Variants in KLHL1 observed in about 807,000 individuals in gnomAD.
The protein encoded by KLHL1 is kelch like family member 1.
In KLHL1, 47 loss-of-function variants were observed where a neutral mutation model predicts 77.7. The ratio of observed to expected loss-of-function variants is 0.60; its 90% CI spans 0.48 to 0.77. The LOEUF (loss-of-function observed/expected upper bound fraction) is 0.77. Ranked by LOEUF, KLHL1 falls within the 30% of genes least tolerant of loss-of-function variation. The probability of loss-of-function intolerance (pLI) is 0.00; values close to 1 mark genes in which losing one functional copy is unlikely to be tolerated. For synonymous variants in KLHL1, 360 were observed against 325.2 expected (o/e 1.11, Z -1.15); for missense variants, 925 against 910.8 (o/e 1.02, Z -0.20).
intron 7 of KLHL1, 56 bp from the exon 8 acceptor site, chr13:69,740,612 T>A: frequency 7.5e-7 from 1 of 1,335,556 alleles, no homozygotes; most frequent in Non-Finnish European, 1.0e-6. Context: ...ATTGTACATT[T>A]AAAAATCTGT....
intron 3 of KLHL1, among the ~76,000 whole-genome samples, chr13:69,957,250 G>T (rs1474145248): frequency 6.6e-6 from 1 of 151,662 alleles, no homozygotes; most frequent in African/African-American, 2.4e-5. Context: ...CCAACAAGTA[G>T]ATAGTGATAC....
chr13:69,800,501 T>G (rs903474676), intron 6 of KLHL1, among the ~76,000 whole-genome samples: 1 of 152,180 alleles, frequency 6.6e-6, no homozygotes, highest in Non-Finnish European at 1.5e-5. Context: ...TAGAGCTTAC[T>G]CATACTAGCC....
At chr13:69,925,623 T>G (rs1227644049) in intron 4 of KLHL1, among the ~76,000 whole-genome samples, 1 of 152,156 alleles carries the variant, frequency 6.6e-6, no homozygotes, top group East Asian at 1.9e-4. Flanking sequence ...AAATTATATA[T>G]TAATTTGCAG....
chr13:69,888,725 T>C (rs1881311323), intron 4 of KLHL1, among the ~76,000 whole-genome samples: 1 of 152,020 alleles, frequency 6.6e-6, no homozygotes, highest in Admixed American at 6.6e-5. Context: ...AAAAAGTAAA[T>C]GTAATGTCTT....
Position 70,083,405 on chromosome 13 carries a change from AG to A in KLHL1, c.497+23797del, listed in dbSNP as rs766778700. On this transcript the variant is annotated intron_variant, in intron 1 of 10. Coordinates refer to ENST00000377844, the MANE Select transcript of KLHL1 (RefSeq NM_020866.3). ...CAAGATGAACTAACTCCTGGTCTCAAGCAATCCTCCCACCTTAGCTGAATAG... is the reference window on the plus strand; with the variant it reads ...CAAGATGAACTAACTCCTGGTCTCAACAATCCTCCCACCTTAGCTGAATAG... Among the ~76,000 whole-genome samples, 149 of 152,294 alleles carry A rather than the reference AG, an allele frequency of 9.8e-4. 1 individual carries two copies. Among genetic ancestry groups the A allele is most frequent in the African/African-American group, 3.4e-3 (143 of 41,570 alleles).
At chr13:70,021,748 C>T (rs1885803995) in intron 1 of KLHL1, among the ~76,000 whole-genome samples, 1 of 152,030 alleles carries the variant, frequency 6.6e-6, no homozygotes, top group Non-Finnish European at 1.5e-5. Context: ...AGTGAAGCAC[C>T]TTTTCATTTG....
At chr13:70,086,580 A>C in intron 1 of KLHL1, among the ~76,000 whole-genome samples, 1 of 42,216 alleles carries the variant, frequency 2.4e-5, no homozygotes. Flanking sequence ...CTCAAAAAAA[A>C]AAAAAAAAAA....
At chr13:70,098,477 TTAC>T (rs1432843693) in intron 1 of KLHL1, among the ~76,000 whole-genome samples, 48 of 151,936 alleles carry the variant, frequency 3.2e-4, no homozygotes, top group Admixed American at 5.2e-4. Flanking sequence ...TCATTGAAAT[TTAC>T]TACAATTTAT....
intron 6 of KLHL1, among the ~76,000 whole-genome samples, chr13:69,798,134 GT>G (rs1227577998): frequency 6.6e-6 from 1 of 152,110 alleles, no homozygotes; most frequent in African/African-American, 2.4e-5. Flanking sequence ...TCTTGATGTA[GT>G]GTTTGACTTC....
intron 7 of KLHL1, among the ~76,000 whole-genome samples, chr13:69,745,888 T>C (rs1874191876): frequency 6.6e-6 from 1 of 151,810 alleles, no homozygotes; most frequent in Non-Finnish European, 1.5e-5. Context: ...TCAATTGAGA[T>C]GGTATTGAAT....
intron 1 of KLHL1, among the ~76,000 whole-genome samples, chr13:70,106,714 G>A (rs1268675001): frequency 6.6e-6 from 1 of 152,140 alleles, no homozygotes; most frequent in Non-Finnish European, 1.5e-5. Context: ...TAATGTTGCT[G>A]TCCAGTGGCC....
intron 8 of KLHL1, among the ~76,000 whole-genome samples, chr13:69,724,754 C>T (rs1023210387): frequency 6.6e-6 from 1 of 152,094 alleles, no homozygotes; most frequent in African/African-American, 2.4e-5. Flanking sequence ...ATGATCATCT[C>T]AATAGATGCA....
chr13:69,709,077 C>T (rs1320855518), intron 9 of KLHL1, among the ~76,000 whole-genome samples: 1 of 151,882 alleles, frequency 6.6e-6, no homozygotes, highest in Non-Finnish European at 1.5e-5. Flanking sequence ...TTGTGCATTG[C>T]CAAGATGATG....
At chr13:70,095,390 T>G (rs1887764082) in intron 1 of KLHL1, among the ~76,000 whole-genome samples, 2 of 152,186 alleles carry the variant, frequency 1.3e-5, no homozygotes, top group African/African-American at 4.8e-5. Context: ...TAAAATTACA[T>G]GGAATCTTAT....
At chr13:70,089,250 C>T (rs568122266) in intron 1 of KLHL1, among the ~76,000 whole-genome samples, 1 of 152,234 alleles carries the variant, frequency 6.6e-6, no homozygotes, top group Non-Finnish European at 1.5e-5. Context: ...CTTTACAATA[C>T]TTGGGCAACA....
At chr13:69,874,157 T>A (rs1342401408) in intron 5 of KLHL1, among the ~76,000 whole-genome samples, 1 of 152,098 alleles carries the variant, frequency 6.6e-6, no homozygotes, top group African/African-American at 2.4e-5. Context: ...AAAAATTATC[T>A]CTAGACTATG....
intron 8 of KLHL1, among the ~76,000 whole-genome samples, chr13:69,721,303 T>C (rs916655439): frequency 6.7e-6 from 1 of 149,732 alleles, no homozygotes; most frequent in Non-Finnish European, 1.5e-5. Flanking sequence ...AAGGAACCAA[T>C]GTATATCTTA....
intron 5 of KLHL1, among the ~76,000 whole-genome samples, chr13:69,851,569 T>C (rs1879692846): frequency 6.6e-6 from 1 of 151,882 alleles, no homozygotes; most frequent in African/African-American, 2.4e-5. Context: ...GCTATTAACA[T>C]AGCATTTGAT....
At chr13:69,906,076 TG>T (rs1186791615) in intron 4 of KLHL1, among the ~76,000 whole-genome samples, 3 of 152,084 alleles carry the variant, frequency 2.0e-5, no homozygotes, top group Non-Finnish European at 4.4e-5. Context: ...GGCTTCACAT[TG>T]GGAATTTTCA....
Sources: allele counts gnomAD v4.1 joint callset (sites outside exome capture counted in the v4.1 genomes callset), GRCh38; gene constraint gnomAD v4.1.1; transcripts MANE v1.5; gene names NCBI Gene and HGNC (gene_info 2026-07-23, HGNC 2026-07-21).